GABPB1: variants seen among roughly 807,000 people sequenced by gnomAD.
GABPB1 encodes the protein GA binding protein transcription factor subunit beta 1, also known as GA-binding protein subunit beta-1.
In GABPB1, 15 loss-of-function variants were observed where a neutral mutation model predicts 45.9. That is an observed-to-expected ratio of 0.33 (90% CI 0.22 to 0.50). The LOEUF (loss-of-function observed/expected upper bound fraction) is 0.50. Among genes scored for constraint, GABPB1 ranks in the 20% least tolerant of loss-of-function variants. The pLI, the probability that GABPB1 is intolerant of heterozygous loss-of-function variation, is 0.98. For missense variants in GABPB1, 252 were observed against 457.5 expected, an observed-to-expected ratio of 0.55 and a Z score of 4.10; for synonymous variants, 143 against 154.4, an observed-to-expected ratio of 0.93 and a Z score of 0.55.
intron 1 of GABPB1, among the ~76,000 whole-genome samples, chr15:50,334,483 ACTTTAT>A (rs1453335896): frequency 7.6e-6 from 1 of 130,974 alleles, no homozygotes; most frequent in Admixed American, 7.4e-5. Context: ...TAATTCAGTT[ACTTTAT>A]CTTTTTCTTT....
intron 1 of GABPB1, among the ~76,000 whole-genome samples, chr15:50,339,875 C>T (rs955695152): frequency 1.3e-5 from 2 of 152,146 alleles, no homozygotes; most frequent in South Asian, 2.1e-4. Context: ...TCTGCATTAC[C>T]TGATAATATT....
intron 5 of GABPB1, 33 bp downstream of exon 5, chr15:50,301,224 T>C (rs757616401): frequency 3.7e-6 from 6 of 1,613,246 alleles, no homozygotes; most frequent in Non-Finnish European, 4.2e-6. Flanking sequence ...TCAATACCTG[T>C]TGCCTTGGAT....
chr15:50,325,421 T>C (rs1396647267), intron 1 of GABPB1, among the ~76,000 whole-genome samples: 1 of 152,036 alleles, frequency 6.6e-6, no homozygotes, highest in Non-Finnish European at 1.5e-5. Context: ...GTTCTGTTTC[T>C]GCTGATGTAG....
chr15:50,340,104 G>A (rs550661669), intron 1 of GABPB1, among the ~76,000 whole-genome samples: 2 of 152,264 alleles, frequency 1.3e-5, no homozygotes, highest in Admixed American at 1.3e-4. Context: ...TTTCATGGAT[G>A]GAATTATTGC....
intron 1 of GABPB1, among the ~76,000 whole-genome samples, chr15:50,329,243 T>C (rs1048951475): frequency 6.6e-6 from 1 of 152,180 alleles, no homozygotes; most frequent in Non-Finnish European, 1.5e-5. Context: ...TGACAAAGTG[T>C]TTCTAGGTCC....
chr15:50,298,265 C>T (rs2555483), intron 6 of GABPB1, among the ~76,000 whole-genome samples: 148,336 of 152,198 alleles, frequency 0.97, 72,467 homozygotes, highest in African/African-American at 0.99. Context: ...CTAATTTTTT[C>T]TGTAGAGACA....
intron 1 of GABPB1, among the ~76,000 whole-genome samples, chr15:50,313,298 A>T (rs2047194578): frequency 6.6e-6 from 1 of 152,176 alleles, no homozygotes; most frequent in African/African-American, 2.4e-5. Flanking sequence ...AATCAGGTTA[A>T]CATAAAGTAA....
chr15:50,327,910 A>C (rs1189845103), intron 1 of GABPB1, among the ~76,000 whole-genome samples: 1 of 152,086 alleles, frequency 6.6e-6, no homozygotes, highest in Non-Finnish European at 1.5e-5. Flanking sequence ...AAGAAAAAAA[A>C]AAGATGCGCC....
At chr15:50,321,636 A>G (rs1286396954) in intron 1 of GABPB1, among the ~76,000 whole-genome samples, 1 of 150,002 alleles carries the variant, frequency 6.7e-6, no homozygotes, top group African/African-American at 2.5e-5. Flanking sequence ...CAGGAGGCAG[A>G]GGTTGCAGCG....
chr15:50,315,804 G>C (rs1174624006), intron 1 of GABPB1, among the ~76,000 whole-genome samples: 2 of 152,226 alleles, frequency 1.3e-5, no homozygotes, highest in African/African-American at 2.4e-5. Context: ...GACGGGTGCA[G>C]TGACTCAAGC....
At position 50,353,874 on chromosome 15, in the gene GABPB1, T is replaced by C. The variant is rs1047970501; in HGVS notation, c.-1+1111A>G. 3.9e-5 allele frequency: 6 copies of C among 153,416 alleles called. No homozygotes were observed. The South Asian group carries it at 1.1e-3, about 28-fold the overall frequency. The allele number at this position is 153,416 out of a possible 1,614,324, so 9.5% of individuals were successfully genotyped here. On this transcript the variant is annotated intron_variant, in intron 1 of 8. Transcript: ENST00000380877. ...TAGATAAAAAACGTACTTCAGTAAC[T>C]TGCCTGAATTGAGAGAGCAAAACAG...
At chr15:50,329,411 T>C (rs1364293494) in intron 1 of GABPB1, among the ~76,000 whole-genome samples, 1 of 152,234 alleles carries the variant, frequency 6.6e-6, no homozygotes. Context: ...TATTGATTCG[T>C]AATCATTCAC....
intron 1 of GABPB1, among the ~76,000 whole-genome samples, chr15:50,323,529 G>A (rs78688883): frequency 6.6e-6 from 1 of 152,134 alleles, no homozygotes; most frequent in Non-Finnish European, 1.5e-5. Context: ...TTACACACCT[G>A]TAAAATGAGA....
At chr15:50,293,119 G>T (rs966878053) in intron 6 of GABPB1, among the ~76,000 whole-genome samples, 1 of 133,712 alleles carries the variant, frequency 7.5e-6, no homozygotes, top group Non-Finnish European at 1.7e-5. Context: ...TACAAAAAGT[G>T]TAATTAAATA....
chr15:50,348,131 T>C (rs937565584), intron 1 of GABPB1, among the ~76,000 whole-genome samples: 4 of 151,374 alleles, frequency 2.6e-5, no homozygotes, highest in Non-Finnish European at 5.9e-5. Context: ...AACAAGCTAA[T>C]TGGGTTATAG....
intron 1 of GABPB1, among the ~76,000 whole-genome samples, chr15:50,344,120 T>C (rs1385525352): frequency 3.3e-5 from 5 of 152,220 alleles, no homozygotes; most frequent in African/African-American, 9.6e-5. Flanking sequence ...GAGTAGGCTC[T>C]GACAGGCAAG....
chr15:50,309,835 C>G (rs1197737404), intron 1 of GABPB1, 37 bp from the exon 2 acceptor site: 4 of 1,169,060 alleles, frequency 3.4e-6, no homozygotes, highest in Non-Finnish European at 5.1e-6. Flanking sequence ...ATCAAAATCT[C>G]CATTTATACA....
chr15:50,331,803 A>C (rs1330467002), intron 1 of GABPB1, among the ~76,000 whole-genome samples: 4 of 152,018 alleles, frequency 2.6e-5, no homozygotes, highest in Non-Finnish European at 5.9e-5. Context: ...TTTAATTGCT[A>C]TATATTTAAG....
At chr15:50,335,446 A>C (rs1250104857) in intron 1 of GABPB1, among the ~76,000 whole-genome samples, 1 of 152,236 alleles carries the variant, frequency 6.6e-6, no homozygotes, top group Non-Finnish European at 1.5e-5. Flanking sequence ...ACATATTGAA[A>C]GCAAAAGTGG....
Sources: allele counts gnomAD v4.1 joint callset (sites outside exome capture counted in the v4.1 genomes callset), GRCh38; gene constraint gnomAD v4.1.1; transcripts MANE v1.5; gene names NCBI Gene and HGNC (gene_info 2026-07-23, HGNC 2026-07-21).